SLC25A6: variants seen among roughly 807,000 people sequenced by gnomAD.
SLC25A6 encodes solute carrier family 25 member 6, also known as ADP/ATP translocase 3.
SLC25A6 carries 9 observed loss-of-function variants against 25.7 expected under a neutral mutation model. The ratio of observed to expected loss-of-function variants is 0.35; its 90% CI spans 0.21 to 0.61. The LOEUF is 0.61. SLC25A6 is among the 20% of genes least tolerant of loss of function. SLC25A6 has a pLI of 0.76. For synonymous variants in SLC25A6, 223 were observed against 197.0 expected (o/e 1.13, Z -1.11); for missense variants, 404 against 440.5 (o/e 0.92, Z 0.74).
intron 2 of SLC25A6, among the ~76,000 whole-genome samples, chrX:1,388,276 CTGT>C (rs1444691621): frequency 2.7e-5 from 4 of 149,780 alleles, no homozygotes; most frequent in Admixed American, 6.7e-5. Flanking sequence ...GAATCAATGT[CTGT>C]TGTTTACAGT....
chrX:1,387,828 G>C (rs1409577727), intron 2 of SLC25A6, among the ~76,000 whole-genome samples: 4 of 152,144 alleles, frequency 2.6e-5, no homozygotes, highest in East Asian at 1.9e-4. Context: ...AAAGAGGTAA[G>C]ACTAAAGGAG....
At chrX:1,391,766 C>A in intron 1 of SLC25A6, 133 bp downstream of exon 1, 1 of 651,404 alleles carries the variant, frequency 1.5e-6, no homozygotes, top group Non-Finnish European at 2.6e-6. Flanking sequence ...AAGCCGGCGG[C>A]GCGTGGACAA....
Position 1,389,398 on chromosome X carries a change from C to G in SLC25A6, c.441G>C (p.Lys147Asn). The change falls in exon 2 of 4, where the codon AAG becomes AAC. Residue 147 changes from lysine to asparagine, a missense_variant. Physicochemically the swap from Lys to Asn is moderately conservative, Grantham distance 94 (BLOSUM62 0). Transcript: ENST00000381401. The stretch of plus-strand genomic sequence containing the variant: ...CTCGGAACTCGCGCTCTGTGCCTGA[C>G]TTTCCCACGTCCGCTGCCAGGCGGG... ...ARTRLAADVG[K>N]SGTEREFRGL... 4.3e-6 allele frequency: 7 copies of G among 1,613,820 alleles called. No individual in the cohort carries two copies. Among genetic ancestry groups the G allele is most frequent in the African/African-American group, 1.3e-5 (1 of 75,060 alleles).
rs769455907 is a variant in SLC25A6 at position 1,392,051 on chromosome X, C to CG, written c.-43dup. The CG allele has an allele frequency of 2.0e-6, 3 of 1,488,124 alleles. No homozygotes were observed. Among genetic ancestry groups the CG allele is most frequent in the Non-Finnish European group, 2.8e-6 (3 of 1,082,830 alleles). 92.2% of individuals were successfully genotyped at this position (1,488,124 alleles called of 1,614,324 possible). ...GCGGAACGGGAGGACAGCCGGAGAA[C>CG]GGGCGCGGAGAGTGAATGGAGGGCG... On this transcript the variant is annotated 5_prime_UTR_variant, in exon 1 of 4. Coordinates refer to ENST00000381401, the MANE Select transcript of SLC25A6 (RefSeq NM_001636.4).
chrX:1,387,844 T>C (rs2089346312), intron 2 of SLC25A6, among the ~76,000 whole-genome samples: 1 of 152,004 alleles, frequency 6.6e-6, no homozygotes, highest in African/African-American at 2.4e-5. Context: ...AGGAGGCCAG[T>C]AGGGTGGGCC....
Position 1,389,670 on chromosome X carries a change from A to G in SLC25A6, c.169T>C (p.Cys57Arg). The change falls in exon 2 of 4, where the codon TGC becomes CGC. Residue 57 changes from cysteine (C) to arginine (R), a missense_variant. Cys to Arg is a radical substitution (Grantham distance 180, BLOSUM62 -3). Transcript: ENST00000381401. The stretch of plus-strand genomic sequence containing the variant: ...TGCTCCTTGGGGATGCGGACAATGC[A>G]GTCCACGATGCCCTTGTACTGCTTG... ...ADKQYKGIVD[C>R]IVRIPKEQGV... is the part of the protein sequence containing the mutation. The G allele has an allele frequency of 6.2e-7, 1 of 1,613,954 alleles. No homozygotes were observed. The highest frequency in any genetic ancestry group is 8.5e-7 in the Non-Finnish European group (1 of 1,179,934).
At chrX:1,389,844 C>T in intron 1 of SLC25A6, 117 bp from the exon 2 acceptor site, 1 of 1,502,440 alleles carries the variant, frequency 6.7e-7, no homozygotes, top group Non-Finnish European at 8.9e-7. Context: ...AGCTGGAGTG[C>T]AATGGGGTGA....
intron 2 of SLC25A6, 73 bp downstream of exon 2, chrX:1,389,168 G>T: frequency 6.6e-7 from 1 of 1,519,206 alleles, no homozygotes; most frequent in Non-Finnish European, 9.0e-7. Flanking sequence ...CAGACCTTCA[G>T]CCCACAGGAC....
At chrX:1,387,907 C>T (rs1196896941) in intron 2 of SLC25A6, among the ~76,000 whole-genome samples, 3 of 152,116 alleles carry the variant, frequency 2.0e-5, no homozygotes, top group Non-Finnish European at 2.9e-5. Context: ...CACAGACACA[C>T]GGAGGGATGA....
At chrX:1,387,147 C>A in intron 3 of SLC25A6, 132 bp downstream of exon 3, 1 of 1,167,162 alleles carries the variant, frequency 8.6e-7, no homozygotes, top group South Asian at 1.4e-5. Flanking sequence ...AGCCAGGTTA[C>A]TTTCGGACAC....
At position 1,389,367 on chromosome X, in the gene SLC25A6, C is replaced by T; in HGVS notation, c.472G>A (p.Gly158Arg). The T allele has an allele frequency of 1.2e-6, 2 of 1,613,806 alleles. No homozygotes were observed. The highest frequency in any genetic ancestry group is 1.7e-6 in the Non-Finnish European group (2 of 1,179,872). The change falls in exon 2 of 4, where the codon GGA becomes AGA. Residue 158 changes from glycine to arginine, a missense_variant. Gly to Arg is a moderately radical substitution (Grantham distance 125). Transcript: ENST00000381401. ...SGTEREFRGL[G>R]DCLVKITKSD... is the part of the protein sequence containing the mutation. ...TTGGTGATCTTCACCAGGCAGTCTC[C>T]CAGGCCTCGGAACTCGCGCTCTGTG...
rs2089343583 is a variant in SLC25A6, at chrX:1,387,669, G to A, written c.599-250C>T. Among the ~76,000 whole-genome samples the A allele has an allele frequency of 2.0e-5, 3 of 152,346 alleles. No homozygotes were observed. The South Asian group carries it at 6.2e-4, about 32-fold the overall frequency. On this transcript the variant is annotated intron_variant, in intron 2 of 3. Transcript: ENST00000381401. ...AAGACAGTCCCAGAGGCCGGGGTTAGGCCTGTTTGGGGAAGGGAATAGGGC... is the reference window on the plus strand; with the variant it reads ...AAGACAGTCCCAGAGGCCGGGGTTAAGCCTGTTTGGGGAAGGGAATAGGGC...
intron 2 of SLC25A6, among the ~76,000 whole-genome samples, chrX:1,388,848 G>A (rs186168790): frequency 6.9e-6 from 1 of 145,884 alleles, no homozygotes; most frequent in Admixed American, 6.9e-5. Flanking sequence ...ACCCCGTGAG[G>A]GCACAGGGAG....
chrX:1,389,766 C>G, intron 1 of SLC25A6, 39 bp from the exon 2 acceptor site: 3 of 1,598,676 alleles, frequency 1.9e-6, no homozygotes, highest in Non-Finnish European at 1.7e-6. Flanking sequence ...GACCCAGGGC[C>G]AACCACCCAG....
At chrX:1,387,252 G>T in intron 3 of SLC25A6, 27 bp downstream of exon 3, 1 of 1,607,372 alleles carries the variant, frequency 6.2e-7, no homozygotes, top group Non-Finnish European at 8.5e-7. Flanking sequence ...CTTCCCGGCA[G>T]CAAGGGTCCC....
rs754971129 is a variant in SLC25A6, at chrX:1,391,973, A to G, written c.37T>C (p.Leu13=). The change falls in exon 1 of 4, where the codon TTG becomes CTG. Residue 13 remains leucine, a synonymous_variant. Transcript: ENST00000381401. ...ATGGCGGCGGCGATGCCTCCGGCCA[A>G]GAAGTCTTTGGCGAAGGAGATGGCC... is the stretch of plus-strand genomic sequence containing the variant. ...EQAISFAKDF[L]AGGIAAAISK... The G allele has an allele frequency of 9.3e-6, 15 of 1,609,510 alleles. No individual in the cohort carries two copies. Among genetic ancestry groups the G allele is most frequent in the Admixed American group, 3.3e-5 (2 of 59,802 alleles).
chrX:1,389,835 G>A (rs1408431169), intron 1 of SLC25A6, 108 bp from the exon 2 acceptor site: 3 of 1,529,412 alleles, frequency 2.0e-6, no homozygotes, highest in African/African-American at 1.4e-5. Context: ...TGTTGCCCAA[G>A]CTGGAGTGCA....
chrX:1,387,720 A>G (rs1205526822), intron 2 of SLC25A6, among the ~76,000 whole-genome samples: 1 of 152,194 alleles, frequency 6.6e-6, no homozygotes, highest in Non-Finnish European at 1.5e-5. Context: ...GGTCACCGTT[A>G]CTATGGGAGT....
Position 1,389,527 on chromosome X carries a change from G to C in SLC25A6, c.312C>G (p.Asp104Glu), listed in dbSNP as rs1398377864. 1 of 1,614,110 alleles carries C rather than the reference G, an allele frequency of 6.2e-7. No homozygotes were observed. Among genetic ancestry groups the C allele is most frequent in the Non-Finnish European group, 8.5e-7 (1 of 1,180,048 alleles). ...KYKQIFLGGV[D>E]KHTQFWRYFA... ...AGTACCTCCAGAACTGCGTGTGCTT[G>C]TCCACGCCCCCCAGGAAGATCTGCT... The change falls in exon 2 of 4, where the codon GAC (aspartate) becomes GAG (glutamate). Residue 104 changes from aspartate to glutamate, a missense_variant. Physicochemically the swap from Asp to Glu is conservative, Grantham distance 45. Coordinates refer to ENST00000381401, the MANE Select transcript of SLC25A6 (RefSeq NM_001636.4).
Sources: allele counts gnomAD v4.1 joint callset (sites outside exome capture counted in the v4.1 genomes callset), GRCh38; gene constraint gnomAD v4.1.1; transcripts MANE v1.5; gene names NCBI Gene and HGNC (gene_info 2026-07-23, HGNC 2026-07-21).